The following ODF2L variants were observed in gnomAD, a reference collection of about 807,000 sequenced individuals.
The protein encoded by ODF2L is protein BCAP.
In ODF2L, 76 loss-of-function variants were observed where a neutral mutation model predicts 86.3. The observed-to-expected ratio is 0.88, with a 90% CI of 0.73 to 1.07. The LOEUF is 1.07. Among genes scored for constraint, ODF2L ranks in the 50% least tolerant of loss-of-function variants. The pLI, the probability that ODF2L is intolerant of heterozygous loss-of-function variation, is 0.00. For missense variants in ODF2L, 748 were observed against 717.4 expected, an observed-to-expected ratio of 1.04 and a Z score of -0.49; for synonymous variants, 241 against 231.3, an observed-to-expected ratio of 1.04 and a Z score of -0.38.
chr1:86,352,903 T>C, exon 17 of ODF2L: 3 of 1,555,584 alleles, frequency 1.9e-6, no homozygotes, highest in African/African-American at 1.4e-5. Context: ...TCATTTTTCT[T>C]TCTAAGCTCA....
intron 1 of ODF2L, among the ~76,000 whole-genome samples, chr1:86,390,473 GAT>G (rs1210062497): frequency 6.6e-6 from 1 of 152,014 alleles, no homozygotes; most frequent in Non-Finnish European, 1.5e-5. Flanking sequence ...ACATCAAAAA[GAT>G]AATCCACCAT....
chr1:86,358,984 T>C, intron 12 of ODF2L, 93 bp from the exon 12 acceptor site: 1 of 620,076 alleles, frequency 1.6e-6, no homozygotes, highest in South Asian at 2.3e-5. Context: ...AACAAGTCAT[T>C]ATTTTCCTAT....
exon 18 of ODF2L, chr1:86,351,937 A>G: frequency 8.4e-7 from 1 of 1,193,972 alleles, no homozygotes; most frequent in Non-Finnish European, 1.0e-6. Context: ...TTATTTTTTC[A>G]GAGGCTTCAA....
At chr1:86,361,457 A>C (rs1283126004) in intron 11 of ODF2L, among the ~76,000 whole-genome samples, 3 of 152,248 alleles carry the variant, frequency 2.0e-5, no homozygotes, top group Non-Finnish European at 4.4e-5. Flanking sequence ...CTACTATACA[A>C]ACATCCTTCA....
chr1:86,368,628 T>C (rs1659600514), intron 11 of ODF2L: 1 of 1,419,512 alleles, frequency 7.0e-7, no homozygotes, highest in Non-Finnish European at 9.4e-7. Flanking sequence ...GTATGAGTAA[T>C]AAAATACCTT....
downstream of ODF2L, chr1:86,349,714 G>A (rs926818188): frequency 6.6e-6 from 1 of 152,186 alleles, no homozygotes; most frequent in Non-Finnish European, 1.5e-5. Flanking sequence ...AATGTCAATG[G>A]ATTTTAGGAT....
At position 86,356,487 on chromosome 1, in the gene ODF2L, T is replaced by C. The variant is rs542908890; in HGVS notation, c.1475A>G (p.Lys492Arg). 4.0e-5 allele frequency: 65 copies of C among 1,613,946 alleles called. No individual in the cohort carries two copies. In the East Asian group the frequency reaches 1.1e-3, roughly 28 times the overall value. ...AATGGTGTGTTCCTGGTCTGCACAC[T>C]TCCCCTTGCAGCACTGCAGACTCTC... The change falls in exon 14 of 18, where the codon AAG becomes AGG. Residue 492 changes from lysine to arginine, a missense_variant. Coordinates refer to ENST00000317336, the Ensembl canonical transcript of ODF2L.
At chr1:86,384,784 C>T (rs1329043049) in exon 4 of ODF2L, 1 of 1,516,560 alleles carries the variant, frequency 6.6e-7, no homozygotes, top group East Asian at 2.5e-5. Context: ...TCTTCAAATT[C>T]AATGCAGAAA....
At chr1:86,368,201 A>G (rs272505) in intron 11 of ODF2L, among the ~76,000 whole-genome samples, 105,249 of 152,004 alleles carry the variant, frequency 0.69, 36,817 homozygotes, top group East Asian at 0.83. Context: ...TGCCCTTAAC[A>G]TTCATATCTT....
chr1:86,364,160 TTATAA>T (rs773397617), intron 11 of ODF2L, among the ~76,000 whole-genome samples: 160 of 152,316 alleles, frequency 1.1e-3, no homozygotes, highest in Middle Eastern at 0.01. Flanking sequence ...AAAAACTAGT[TTATAA>T]TATCTTTCTA....
intron 11 of ODF2L, among the ~76,000 whole-genome samples, chr1:86,362,987 C>CTAAT (rs1659154216): frequency 6.6e-6 from 1 of 152,016 alleles, no homozygotes; most frequent in Non-Finnish European, 1.5e-5. Context: ...AACTCTACTG[C>CTAAT]TAATACTGAA....
At chr1:86,384,430 AT>A (rs1196740905) in intron 4 of ODF2L, among the ~76,000 whole-genome samples, 2 of 151,686 alleles carry the variant, frequency 1.3e-5, no homozygotes, top group African/African-American at 2.4e-5. Context: ...TGTATATTTT[AT>A]TAGAATCAGC....
chr1:86,370,926 G>T, intron 10 of ODF2L, 92 bp downstream of exon 10: 1 of 741,926 alleles, frequency 1.3e-6, no homozygotes, highest in Non-Finnish European at 2.0e-6. Context: ...CAAGAGCACT[G>T]CTCTAAACAT....
chr1:86,348,689 C>T, downstream of ODF2L: 1 of 1,268,856 alleles, frequency 7.9e-7, no homozygotes, highest in Non-Finnish European at 1.0e-6. Flanking sequence ...TATTTTTTTA[C>T]CCAATCACAT....
intron 14 of ODF2L, among the ~76,000 whole-genome samples, chr1:86,355,750 T>C (rs1349792233): frequency 1.3e-5 from 2 of 151,990 alleles, no homozygotes; most frequent in African/African-American, 4.8e-5. Flanking sequence ...TTCTCATCAT[T>C]TAGCTCCTAC....
intron 3 of ODF2L, 41 bp downstream of exon 3, chr1:86,385,417 T>A (rs752910778): frequency 1.3e-5 from 17 of 1,270,918 alleles, no homozygotes; most frequent in Non-Finnish European, 1.9e-5. Context: ...CTGAGTATTA[T>A]ACTAGCTTTT....
At position 86,352,209 on chromosome 1, in the gene ODF2L, C is replaced by T. The variant is rs1263602796; in HGVS notation, c.1894-1G>A. On this transcript the variant is annotated splice_acceptor_variant, in intron 17 of 17. Coordinates refer to ENST00000317336, the Ensembl canonical transcript of ODF2L. LOFTEE classifies it high-confidence loss of function. ...ATAGATTTCATGGAGTCTCTGGATC[C>T]TGGAAAAAACACAGTATCATTATTC... is the stretch of plus-strand genomic sequence containing the variant. 6.6e-7 allele frequency: 1 copy of T among 1,504,196 alleles called. No homozygotes were observed. The highest frequency in any genetic ancestry group is 8.9e-7 in the Non-Finnish European group (1 of 1,123,948). The allele number at this position is 1,504,196 out of a possible 1,614,324, so 93.2% of individuals were successfully genotyped here. A position where few individuals can be genotyped will look rare whatever the true frequency, so the allele number is the denominator to read the frequency against.
chr1:86,384,855 C>A (rs1285238718), intron 3 of ODF2L, 54 bp from the exon 4 acceptor site: 32 of 1,342,302 alleles, frequency 2.4e-5, no homozygotes, highest in Non-Finnish European at 3.1e-5. Flanking sequence ...TTAAATAAAA[C>A]CCTCTAAAAT....
intron 8 of ODF2L, among the ~76,000 whole-genome samples, chr1:86,374,573 T>C (rs1660040306): frequency 6.6e-6 from 1 of 152,206 alleles, no homozygotes; most frequent in Non-Finnish European, 1.5e-5. Context: ...TTTAACATCC[T>C]GGCCCCTAGG....
Sources: gnomAD v4.1 joint callset for allele counts (sites outside exome capture counted in the v4.1 genomes callset) on GRCh38, gnomAD v4.1.1 for gene constraint, MANE v1.5 for transcripts, NCBI Gene and HGNC (gene_info 2026-07-23, HGNC 2026-07-21) for gene names.